The following ARMC6 variants were observed in gnomAD, a reference collection of about 807,000 sequenced individuals.
ARMC6 encodes armadillo repeat-containing protein 6.
In ARMC6, 43 loss-of-function variants were observed where a neutral mutation model predicts 49.2. The observed-to-expected ratio is 0.87, with a 90% CI of 0.69 to 1.13. The LOEUF (loss-of-function observed/expected upper bound fraction) is 1.13. ARMC6 is among the 50% of genes most tolerant of loss of function. The pLI, the probability that ARMC6 is intolerant of heterozygous loss-of-function variation, is 0.00. For missense variants in ARMC6, 627 were observed against 682.0 expected, an observed-to-expected ratio of 0.92 and a Z score of 0.90; for synonymous variants, 262 against 289.6, an observed-to-expected ratio of 0.90 and a Z score of 0.97.
chr19:19,048,506 G>A lies in ARMC6; in HGVS notation c.280-3116G>A, dbSNP rs187988014. 3.1e-3 allele frequency among the ~76,000 whole-genome samples: 450 copies of A among 146,848 alleles called. 2 individuals are homozygous for A. Among genetic ancestry groups the A allele is most frequent in the African/African-American group, 0.011 (428 of 39,862 alleles). ...CCACTGTACTCCAGCCTGGGCAACAGAATGAGACTCAGAAAAAAAAAAAAA... is the reference window on the plus strand; with the variant it reads ...CCACTGTACTCCAGCCTGGGCAACAAAATGAGACTCAGAAAAAAAAAAAAA... On this transcript the variant is annotated intron_variant, in intron 4 of 8. Transcript: ENST00000535612.
intron 4 of ARMC6, among the ~76,000 whole-genome samples, chr19:19,050,164 TTTTG>T (rs2059484268): frequency 6.6e-6 from 1 of 152,330 alleles, no homozygotes; most frequent in African/African-American, 2.4e-5. Flanking sequence ...TGTAGTGTTT[TTTTG>T]TTTGTTTGTT....
chr19:19,038,962 G>A (rs1023961430), intron 2 of ARMC6, among the ~76,000 whole-genome samples: 23 of 151,254 alleles, frequency 1.5e-4, no homozygotes, highest in African/African-American at 4.1e-4. Flanking sequence ...CTGTGTTGCC[G>A]CAGGCTGGTC....
Position 19,033,653 on chromosome 19 carries a change from G to T in ARMC6, c.-357G>T. On this transcript the variant is annotated 5_prime_UTR_variant, in exon 1 of 9. Coordinates refer to ENST00000535612, the MANE Select transcript of ARMC6 (RefSeq NM_001199196.2). ...CGCTGTCCGCTTCTTCTGGGCGGAC[G>T]CTCTGGAGGCAAAACATTTCCCTGC... 2.2e-6 allele frequency: 2 copies of T among 894,644 alleles called. No homozygotes were observed. The highest frequency in any genetic ancestry group is 5.6e-5 in the South Asian group (1 of 17,828). 55.4% of individuals were successfully genotyped at this position (894,644 alleles called of 1,614,324 possible).
Position 19,057,533 on chromosome 19 carries a change from TGTGAGGAC to T in ARMC6, c.1415_1422del (p.Glu472GlyfsTer83). The T allele has an allele frequency of 6.2e-7, 1 of 1,613,676 alleles. No homozygotes were observed. The highest frequency in any genetic ancestry group is 8.5e-7 in the Non-Finnish European group (1 of 1,179,914). On this transcript the variant is annotated frameshift_variant, in exon 9 of 9. Coordinates refer to ENST00000535612, the MANE Select transcript of ARMC6 (RefSeq NM_001199196.2). LOFTEE classifies it high-confidence loss of function. ...GCAGGCCCGATCTGCCCACCGTGAC[TGTGAGGAC>T]GTGGCCAAGGCCGCCCTGCGGGACC...
intron 2 of ARMC6, among the ~76,000 whole-genome samples, chr19:19,040,101 C>T (rs934848717): frequency 2.0e-5 from 3 of 152,230 alleles, no homozygotes; most frequent in Non-Finnish European, 2.9e-5. Context: ...AACGTTTCAT[C>T]ATAGCAGGAA....
At chr19:19,040,654 C>CT (rs34338156) in intron 2 of ARMC6, 70,673 of 274,534 alleles carry the variant, frequency 0.26, 5,973 homozygotes, top group East Asian at 0.28. Context: ...CAGAGTTTGA[C>CT]TTTTTTTTTT....
At chr19:19,057,316 G>A in intron 8 of ARMC6, 100 bp from the exon 9 acceptor site, 1 of 1,005,752 alleles carries the variant, frequency 9.9e-7, no homozygotes, top group Non-Finnish European at 1.5e-6. Flanking sequence ...GTCAGCTGTG[G>A]TTATGATCAC....
At chr19:19,048,147 A>G (rs1408461235) in intron 4 of ARMC6, among the ~76,000 whole-genome samples, 1 of 152,144 alleles carries the variant, frequency 6.6e-6, no homozygotes, top group African/African-American at 2.4e-5. Context: ...GGTGTTCGAG[A>G]CCAGCCTGGC....
chr19:19,043,007 C>A, intron 3 of ARMC6, 130 bp downstream of exon 3: 1 of 1,163,538 alleles, frequency 8.6e-7, no homozygotes, highest in Non-Finnish European at 1.2e-6. Flanking sequence ...TGGGCCCTGT[C>A]CCCTCCAGCT....
rs1190883754 is a variant in ARMC6, at chr19:19,054,264, G to A, written c.966G>A (p.Leu322=). 4 of 1,611,212 alleles carry A rather than the reference G, an allele frequency of 2.5e-6. No homozygotes were observed. The highest frequency in any genetic ancestry group is 3.4e-6 in the Non-Finnish European group (4 of 1,178,760). The change falls in exon 6 of 9, where the codon CTG becomes CTA. Residue 322 remains leucine (L), a synonymous_variant. Transcript: ENST00000535612. The part of the protein sequence containing the change: ...EVVDLGGLSI[L]VSLLADCNDH... The stretch of plus-strand genomic sequence containing the variant: ...TCGACCTCGGGGGCCTGAGCATTCT[G>A]GTGTCCCTGCTAGCCGACTGCAATG...
chr19:19,054,702 C>T lies in ARMC6; in HGVS notation c.1023+381C>T, dbSNP rs573678604. On this transcript the variant is annotated intron_variant, in intron 6 of 8. Coordinates refer to ENST00000535612, the MANE Select transcript of ARMC6 (RefSeq NM_001199196.2). ...CCATGTGCCCATCCACAGCAGGGAG[C>T]CAATCAACAGGTGCCTCCCTATCCA... Among the ~76,000 whole-genome samples, 4 of 152,216 alleles carry T rather than the reference C, an allele frequency of 2.6e-5. No individual in the cohort carries two copies. The South Asian group carries it at 6.2e-4, about 24-fold the overall frequency.
At chr19:19,039,439 A>T (rs983213490) in intron 2 of ARMC6, 2 of 430,292 alleles carry the variant, frequency 4.6e-6, no homozygotes, top group South Asian at 3.3e-5. Flanking sequence ...GCCTGGCCTG[A>T]TGTAGTGATT....
chr19:19,037,993 C>T (rs1321069827), intron 2 of ARMC6, among the ~76,000 whole-genome samples: 1 of 152,194 alleles, frequency 6.6e-6, no homozygotes, highest in African/African-American at 2.4e-5. Context: ...TACAGCAACT[C>T]CCCATCACTT....
rs113337888 is a variant in ARMC6, at chr19:19,057,499, A to T, written c.1377A>T (p.Ala459=). 2 of 1,613,792 alleles carry T rather than the reference A, an allele frequency of 1.2e-6. No individual in the cohort carries two copies. The highest frequency in any genetic ancestry group is 2.7e-5 in the African/African-American group (2 of 74,950). Residue 459 remains alanine, a synonymous_variant, in exon 9 of 9, where the codon GCA becomes GCT. Transcript: ENST00000535612. ...CCATCCTGGACCTGGGGGCTGAGGC[A>T]CTCATCATGCAGGCCCGATCTGCCC... ...SKPILDLGAE[A]LIMQARSAHR...
intron 4 of ARMC6, among the ~76,000 whole-genome samples, chr19:19,046,955 C>CTT (rs1405584876): frequency 6.9e-4 from 49 of 71,080 alleles, no homozygotes; most frequent in African/African-American, 1.2e-3. Context: ...TTTTCTATTT[C>CTT]TTTTTTTTTT....
intron 4 of ARMC6, among the ~76,000 whole-genome samples, chr19:19,051,407 G>A (rs894377165): frequency 1.3e-5 from 2 of 148,448 alleles, no homozygotes; most frequent in Non-Finnish European, 3.0e-5. Context: ...GTGTGTGTGT[G>A]TGTGTGTGTC....
intron 2 of ARMC6, chr19:19,037,656 TGGAAACTTGATAATTCCAGAAC>T (rs1433318659): frequency 1.7e-6 from 2 of 1,183,436 alleles, no homozygotes; most frequent in African/African-American, 3.3e-5. Context: ...TGGCCTGAAG[TGGAAACTTGATAATTCCAGAAC>T]GGAAACTTGA....
intron 4 of ARMC6, among the ~76,000 whole-genome samples, chr19:19,048,084 C>T (rs942462964): frequency 2.0e-5 from 3 of 152,110 alleles, no homozygotes; most frequent in Non-Finnish European, 4.4e-5. Flanking sequence ...TGGTGGCTCA[C>T]ACCTGTAATC....
chr19:19,043,322 A>G (rs2059424582), intron 3 of ARMC6, among the ~76,000 whole-genome samples: 1 of 152,188 alleles, frequency 6.6e-6, no homozygotes. Context: ...CCCTAGCACA[A>G]CTAGCTCCGG....
Sources: allele counts gnomAD v4.1 joint callset (sites outside exome capture counted in the v4.1 genomes callset), GRCh38; gene constraint gnomAD v4.1.1; transcripts MANE v1.5; gene names NCBI Gene and HGNC (gene_info 2026-07-23, HGNC 2026-07-21).